Variants in SDK1 observed in about 807,000 individuals in gnomAD.
SDK1 encodes the protein sidekick cell adhesion molecule 1, also known as protein sidekick-1.
A neutral mutation model predicts 245.5 loss-of-function variants in SDK1; 157 were observed. That is an observed-to-expected ratio of 0.64 (90% CI 0.56 to 0.73). The LOEUF is 0.73. Among genes scored for constraint, SDK1 ranks in the 30% least tolerant of loss-of-function variants. The pLI, the probability that SDK1 is intolerant of heterozygous loss-of-function variation, is 0.00. For synonymous variants in SDK1, 1,647 were observed against 1,278.5 expected, an observed-to-expected ratio of 1.29 and a Z score of -6.15; for missense variants, 3,583 against 3,002.3, an observed-to-expected ratio of 1.19 and a Z score of -4.52.
chr7:3,321,784 CCT>C (rs1425157274), intron 1 of SDK1, among the ~76,000 whole-genome samples: 20 of 68,532 alleles, frequency 2.9e-4, no homozygotes, highest in African/African-American at 1.3e-3. Flanking sequence ...CCTTCTCCTT[CCT>C]TCCTTCCTTC....
chr7:4,259,574 G>A (rs1034338974), intron 44 of SDK1, among the ~76,000 whole-genome samples: 10 of 152,182 alleles, frequency 6.6e-5, no homozygotes, highest in African/African-American at 1.9e-4. Context: ...AACTGCTCCA[G>A]TAGGGCCGGG....
intron 30 of SDK1, among the ~76,000 whole-genome samples, chr7:4,152,043 A>T: frequency 6.6e-6 from 1 of 152,136 alleles, no homozygotes; most frequent in South Asian, 2.1e-4. Flanking sequence ...GAAAAGTCCA[A>T]CCCTTGGCTG....
chr7:3,397,865 G>C (rs2128572263), intron 1 of SDK1, among the ~76,000 whole-genome samples: 1 of 152,036 alleles, frequency 6.6e-6, no homozygotes, highest in African/African-American at 2.4e-5. Context: ...ATTAATCATA[G>C]TTATGAATTT....
intron 22 of SDK1, among the ~76,000 whole-genome samples, chr7:4,090,971 C>A (rs953520513): frequency 1.8e-4 from 27 of 152,170 alleles, no homozygotes; most frequent in African/African-American, 6.3e-4. Flanking sequence ...CTGAATTCCA[C>A]TCTATGTGGC....
intron 40 of SDK1, chr7:4,227,316 G>T: frequency 2.1e-6 from 1 of 465,562 alleles, no homozygotes; most frequent in South Asian, 1.6e-5. Context: ...CAGCTTGTCA[G>T]CCCGGCTTCC....
chr7:3,926,169 C>T (rs140557482), intron 5 of SDK1, among the ~76,000 whole-genome samples: 1 of 152,110 alleles, frequency 6.6e-6, no homozygotes, highest in African/African-American at 2.4e-5. Flanking sequence ...CATGCATTCC[C>T]GTGGGAAGGG....
chr7:3,828,226 C>T (rs1779825598), intron 5 of SDK1, among the ~76,000 whole-genome samples: 1 of 151,730 alleles, frequency 6.6e-6, no homozygotes. Context: ...TGCAGTGAGC[C>T]GAGATCACTC....
At chr7:3,397,750 G>C (rs1162895960) in intron 1 of SDK1, among the ~76,000 whole-genome samples, 1 of 151,912 alleles carries the variant, frequency 6.6e-6, no homozygotes, top group Non-Finnish European at 1.5e-5. Flanking sequence ...CTGTTGTAGT[G>C]TTTTTGCGGT....
intron 4 of SDK1, among the ~76,000 whole-genome samples, chr7:3,741,331 C>A (rs1248238956): frequency 6.6e-6 from 1 of 152,208 alleles, no homozygotes; most frequent in Non-Finnish European, 1.5e-5. Flanking sequence ...GAATCCCCAG[C>A]CCCCTGTTCT....
intron 1 of SDK1, among the ~76,000 whole-genome samples, chr7:3,543,391 A>G (rs555598187): frequency 1.3e-5 from 2 of 152,258 alleles, no homozygotes; most frequent in Non-Finnish European, 2.9e-5. Context: ...CTCTGACCCC[A>G]TAGGGGAGCC....
At chr7:3,887,684 C>A (rs1470530192) in intron 5 of SDK1, among the ~76,000 whole-genome samples, 1 of 152,158 alleles carries the variant, frequency 6.6e-6, no homozygotes, top group Non-Finnish European at 1.5e-5. Flanking sequence ...GATGATTATT[C>A]TCTATGTTCT....
intron 1 of SDK1, among the ~76,000 whole-genome samples, chr7:3,581,955 C>T (rs1188008110): frequency 6.6e-6 from 1 of 152,152 alleles, no homozygotes. Context: ...GAACACATGG[C>T]CACATAGAGG....
At chr7:3,783,011 G>A (rs1218800043) in intron 4 of SDK1, among the ~76,000 whole-genome samples, 1 of 152,030 alleles carries the variant, frequency 6.6e-6, no homozygotes, top group African/African-American at 2.4e-5. Context: ...CACATTAAAG[G>A]GATCATTCAT....
intron 17 of SDK1, among the ~76,000 whole-genome samples, chr7:4,037,309 G>A (rs28673769): frequency 0.017 from 2,561 of 152,234 alleles, 71 homozygotes; most frequent in African/African-American, 0.059. Context: ...TGTAGCGTGA[G>A]TCTGAATCTC....
intron 4 of SDK1, among the ~76,000 whole-genome samples, chr7:3,700,731 T>A (rs187554610): frequency 2.0e-4 from 31 of 152,334 alleles, no homozygotes; most frequent in Non-Finnish European, 3.7e-4. Context: ...ATGGTTTAAA[T>A]ACACCAATGA....
intron 5 of SDK1, among the ~76,000 whole-genome samples, chr7:3,863,506 A>G (rs1035175897): frequency 2.6e-5 from 4 of 152,196 alleles, no homozygotes; most frequent in African/African-American, 9.6e-5. Context: ...TTGCACCACC[A>G]TTACCACCAT....
chr7:3,906,848 G>A (rs571296179), intron 5 of SDK1, among the ~76,000 whole-genome samples: 2 of 151,716 alleles, frequency 1.3e-5, no homozygotes, highest in East Asian at 2.0e-4. Context: ...TAGGCTGGTC[G>A]CAAACTCCTG....
At position 4,265,147 on chromosome 7, in the gene SDK1, C is replaced by A. The variant is rs767222342; in HGVS notation, c.6405C>A (p.Asp2135Glu). 3 of 1,612,056 alleles carry A rather than the reference C, an allele frequency of 1.9e-6. No homozygotes were observed. The highest frequency in any genetic ancestry group is 2.2e-5 in the South Asian group (2 of 91,010). Residue 2135 changes from aspartate to glutamate, a missense_variant, in exon 45 of 45, where the codon GAC becomes GAA. By Grantham distance (45) the Asp-to-Glu change is conservative. Coordinates refer to ENST00000404826, the MANE Select transcript of SDK1 (RefSeq NM_152744.4). Reference sequence around the variant, plus strand: ...AGGCCACGGACTCTGACTACGAGGACGCGCTGCCCAAGCACTCCTTCGTGA... The same window carrying A: ...AGGCCACGGACTCTGACTACGAGGAAGCGCTGCCCAAGCACTCCTTCGTGA... ...ESEATDSDYE[D>E]ALPKHSFVNH...
chr7:3,678,281 A>G (rs1047342669), intron 4 of SDK1, among the ~76,000 whole-genome samples: 3 of 152,202 alleles, frequency 2.0e-5, no homozygotes, highest in Admixed American at 6.5e-5. Flanking sequence ...TATACCCCAA[A>G]TAATTGAAAG....
Sources: gnomAD v4.1 joint callset for allele counts (sites outside exome capture counted in the v4.1 genomes callset) on GRCh38, gnomAD v4.1.1 for gene constraint, MANE v1.5 for transcripts, NCBI Gene and HGNC (gene_info 2026-07-23, HGNC 2026-07-21) for gene names.